The following PLPPR1 variants were observed in gnomAD, a reference collection of about 807,000 sequenced individuals.
PLPPR1 encodes the protein phospholipid phosphatase related 1.
Under a neutral mutation model 33.1 loss-of-function variants are expected in PLPPR1, and 10 were observed. The observed-to-expected ratio is 0.30, with a 90% CI of 0.19 to 0.51. The LOEUF is 0.51. Ranked by LOEUF, PLPPR1 falls within the 20% of genes least tolerant of loss-of-function variation. The probability of loss-of-function intolerance (pLI) is 0.97; values close to 1 mark genes in which losing one functional copy is unlikely to be tolerated. For synonymous variants in PLPPR1, 151 were observed against 151.0 expected (o/e 1.00, Z 0.00); for missense variants, 304 against 408.1 (o/e 0.74, Z 2.20).
chr9:101,207,707 A>T (rs1826616335), intron 2 of PLPPR1, among the ~76,000 whole-genome samples: 1 of 152,230 alleles, frequency 6.6e-6, no homozygotes, highest in Admixed American at 6.5e-5. Flanking sequence ...ACAATTCCTG[A>T]TAGAACCATT....
chr9:101,042,844 T>C (rs1830091959), intron 1 of PLPPR1, among the ~76,000 whole-genome samples: 2 of 152,200 alleles, frequency 1.3e-5, no homozygotes, highest in African/African-American at 4.8e-5. Context: ...TCACTTCATA[T>C]GGAATTCACC....
rs557039236 is a variant in PLPPR1, at chr9:101,182,500, A to T, written c.-45-2950A>T. On this transcript the variant is annotated intron_variant, in intron 1 of 7. Coordinates refer to ENST00000374874, the MANE Select transcript of PLPPR1 (RefSeq NM_207299.2). ...ACATTATACCTCATAAATATATATA[A>T]CTATTATTTGTCAATTAAAGAAAAG... is the stretch of plus-strand genomic sequence containing the variant. Among the ~76,000 whole-genome samples, 5 of 151,936 alleles carry T rather than the reference A, an allele frequency of 3.3e-5. No homozygotes were observed. The East Asian group carries it at 9.6e-4, about 29-fold the overall frequency.
intron 2 of PLPPR1, among the ~76,000 whole-genome samples, chr9:101,191,938 C>G (rs1311225469): frequency 1.3e-5 from 2 of 152,172 alleles, no homozygotes; most frequent in African/African-American, 4.8e-5. Flanking sequence ...CTCATACTTG[C>G]AATTTTTATT....
intron 2 of PLPPR1, among the ~76,000 whole-genome samples, chr9:101,232,013 T>TA (rs1249712830): frequency 6.6e-6 from 1 of 152,104 alleles, no homozygotes; most frequent in African/African-American, 2.4e-5. Context: ...AGGTAAATTT[T>TA]AAAATCACAT....
intron 1 of PLPPR1, among the ~76,000 whole-genome samples, chr9:101,107,870 G>T (rs1334447510): frequency 1.3e-5 from 2 of 151,110 alleles, no homozygotes; most frequent in East Asian, 1.9e-4. Flanking sequence ...TTTTTAAGCC[G>T]GTCTGAAAAG....
chr9:101,156,566 A>G (rs1831692764), intron 1 of PLPPR1, among the ~76,000 whole-genome samples: 3 of 141,140 alleles, frequency 2.1e-5, no homozygotes, highest in Non-Finnish European at 3.1e-5. Context: ...AAAAAAAAAA[A>G]AAAAAAAGAA....
chr9:101,125,942 T>G (rs1831241777), intron 1 of PLPPR1: 3 of 273,736 alleles, frequency 1.1e-5, no homozygotes, highest in Non-Finnish European at 2.1e-5. Flanking sequence ...TTAAATCTGT[T>G]TTTCTCTAGC....
intron 4 of PLPPR1, among the ~76,000 whole-genome samples, chr9:101,290,212 A>G (rs1193837337): frequency 2.0e-5 from 3 of 152,244 alleles, no homozygotes; most frequent in Admixed American, 2.0e-4. Context: ...CTTATTTTGA[A>G]GAGCTTAACC....
chr9:101,037,109 A>G (rs1163907463), intron 1 of PLPPR1, among the ~76,000 whole-genome samples: 1 of 152,146 alleles, frequency 6.6e-6, no homozygotes, highest in East Asian at 1.9e-4. Flanking sequence ...TGTTAACTGG[A>G]TGGGAAGTCA....
rs78730345 is a variant in PLPPR1 at position 101,204,722 on chromosome 9, C to G, written c.63+19165C>G. Among the ~76,000 whole-genome samples the G allele has an allele frequency of 6.8e-4, 104 of 152,154 alleles. No individual in the cohort carries two copies. The East Asian group carries it at 0.018, about 26-fold the overall frequency. On this transcript the variant is annotated intron_variant, in intron 2 of 7. Coordinates refer to ENST00000374874, the MANE Select transcript of PLPPR1 (RefSeq NM_207299.2). ...AAGGTGTTGGTATTTTCTTACTGGGCTACTATGAATGAGATCCCAAAAGAC... is the reference window on the plus strand; with the variant it reads ...AAGGTGTTGGTATTTTCTTACTGGGGTACTATGAATGAGATCCCAAAAGAC...
chr9:101,181,265 T>C (rs1826106014), intron 1 of PLPPR1, among the ~76,000 whole-genome samples: 1 of 149,870 alleles, frequency 6.7e-6, no homozygotes, highest in South Asian at 2.1e-4. Context: ...AATGAGGTAT[T>C]ACTTCATACC....
intron 1 of PLPPR1, among the ~76,000 whole-genome samples, chr9:101,076,004 G>T (rs952990857): frequency 6.6e-6 from 1 of 152,144 alleles, no homozygotes; most frequent in Non-Finnish European, 1.5e-5. Flanking sequence ...CACAGAAGGG[G>T]CACGCGGGAG....
At chr9:101,066,691 C>T (rs1296421385) in intron 1 of PLPPR1, among the ~76,000 whole-genome samples, 3 of 152,008 alleles carry the variant, frequency 2.0e-5, no homozygotes, top group Non-Finnish European at 2.9e-5. Flanking sequence ...GACATATCCC[C>T]ATCATAGTGA....
chr9:101,319,200 G>A (rs1483087646), intron 7 of PLPPR1, among the ~76,000 whole-genome samples: 3 of 152,044 alleles, frequency 2.0e-5, no homozygotes, highest in Non-Finnish European at 4.4e-5. Flanking sequence ...CCGCTGAGAT[G>A]GAGTCTCACT....
intron 4 of PLPPR1, among the ~76,000 whole-genome samples, chr9:101,289,885 TA>T (rs1828462477): frequency 6.6e-6 from 1 of 152,240 alleles, no homozygotes; most frequent in Admixed American, 6.5e-5. Context: ...ACTAGTTTCA[TA>T]AAAGCTGATT....
chr9:101,141,303 G>T (rs954564126), intron 1 of PLPPR1, among the ~76,000 whole-genome samples: 1 of 152,106 alleles, frequency 6.6e-6, no homozygotes, highest in Middle Eastern at 3.2e-3. Context: ...GACTAGGAGG[G>T]TTGATATAAC....
intron 1 of PLPPR1, among the ~76,000 whole-genome samples, chr9:101,124,344 G>C (rs1055546114): frequency 2.6e-5 from 4 of 152,096 alleles, no homozygotes; most frequent in Non-Finnish European, 5.9e-5. Flanking sequence ...TAACTGTTCA[G>C]TTCTCTTGTA....
At chr9:101,231,783 C>T (rs754684481) in intron 2 of PLPPR1, among the ~76,000 whole-genome samples, 1 of 152,066 alleles carries the variant, frequency 6.6e-6, no homozygotes, top group Non-Finnish European at 1.5e-5. Context: ...TGTTGATTCA[C>T]TTGCTTTAAA....
intron 3 of PLPPR1, among the ~76,000 whole-genome samples, chr9:101,282,881 T>C (rs1031000584): frequency 3.9e-5 from 6 of 152,152 alleles, no homozygotes; most frequent in African/African-American, 1.4e-4. Context: ...ATGAAAGAAA[T>C]TGGAGTTGCA....
Sources: allele counts gnomAD v4.1 joint callset (sites outside exome capture counted in the v4.1 genomes callset), GRCh38; gene constraint gnomAD v4.1.1; transcripts MANE v1.5; gene names NCBI Gene and HGNC (gene_info 2026-07-23, HGNC 2026-07-21).